Variants in MEI4 observed in about 807,000 individuals in gnomAD.
MEI4 encodes the protein meiosis-specific protein MEI4.
MEI4 carries 27 observed loss-of-function variants against 31.4 expected under a neutral mutation model. The observed-to-expected ratio is 0.86, with a 90% CI of 0.63 to 1.19. MEI4 has a LOEUF of 1.19. MEI4 is among the 50% of genes most tolerant of loss of function. MEI4 has a pLI of 0.00. For synonymous variants in MEI4, 122 were observed against 145.4 expected (o/e 0.84, Z 1.16); for missense variants, 329 against 398.9 (o/e 0.82, Z 1.49).
intron 4 of MEI4, among the ~76,000 whole-genome samples, chr6:77,863,606 T>C (rs141015427): frequency 2.0e-5 from 3 of 152,256 alleles, no homozygotes; most frequent in East Asian, 1.9e-4. Context: ...CTACGTCTGA[T>C]TGGTACCTGA....
intron 4 of MEI4, among the ~76,000 whole-genome samples, chr6:77,907,085 A>G (rs907249527): frequency 1.3e-5 from 2 of 151,960 alleles, no homozygotes; most frequent in Admixed American, 6.6e-5. Flanking sequence ...TTGAAATAGC[A>G]AGATTTTTTT....
chr6:77,852,585 G>GTTTTTTTTT (rs58175580), intron 4 of MEI4, among the ~76,000 whole-genome samples: 1 of 142,608 alleles, frequency 7.0e-6, no homozygotes, highest in African/African-American at 2.6e-5. Flanking sequence ...GTTGTTGTTT[G>GTTTTTTTTT]TTTTTTTTTT....
intron 3 of MEI4, among the ~76,000 whole-genome samples, chr6:77,827,285 C>T (rs930541224): frequency 4.0e-5 from 6 of 148,226 alleles, no homozygotes; most frequent in Middle Eastern, 3.5e-3. Context: ...GGTGTGAACC[C>T]GGAAGGCAGA....
At chr6:77,856,171 C>G (rs1770741373) in intron 4 of MEI4, among the ~76,000 whole-genome samples, 1 of 152,184 alleles carries the variant, frequency 6.6e-6, no homozygotes, top group Non-Finnish European at 1.5e-5. Flanking sequence ...TTCCTTTGCA[C>G]AGTGAACAAG....
At chr6:77,719,365 G>C (rs564505700) in intron 2 of MEI4, among the ~76,000 whole-genome samples, 1,540 of 133,746 alleles carry the variant, frequency 0.012, 194 homozygotes, top group African/African-American at 0.043. Flanking sequence ...GTGACATCCC[G>C]CTTACCATGT....
intron 2 of MEI4, among the ~76,000 whole-genome samples, chr6:77,699,374 A>C (rs1485874932): frequency 6.7e-6 from 1 of 150,288 alleles, no homozygotes; most frequent in African/African-American, 2.5e-5. Flanking sequence ...TTGTATTTTT[A>C]GTAGAGATGG....
intron 3 of MEI4, among the ~76,000 whole-genome samples, chr6:77,824,807 CT>C (rs1769904338): frequency 6.6e-6 from 1 of 152,062 alleles, no homozygotes; most frequent in African/African-American, 2.4e-5. Context: ...ACTCTTTTGC[CT>C]AAATTCTTAG....
intron 4 of MEI4, among the ~76,000 whole-genome samples, chr6:77,861,384 T>C (rs952491384): frequency 1.3e-5 from 2 of 152,194 alleles, no homozygotes; most frequent in Non-Finnish European, 2.9e-5. Flanking sequence ...AGGCTTTGTT[T>C]TTGTTTTGTT....
In MEI4 at chr6:77,695,323, C is replaced by A. The variant is rs558822882; in HGVS notation, c.232+4420C>A. ...TTGCCATTGCTTTTGGTGTTTTAGACATGAAGTCCTTGCCCATGCCTATGT... is the reference window on the plus strand; with the variant it reads ...TTGCCATTGCTTTTGGTGTTTTAGAAATGAAGTCCTTGCCCATGCCTATGT... On this transcript the variant is annotated intron_variant, in intron 2 of 4. Transcript: ENST00000684080. Among the ~76,000 whole-genome samples, 646 of 152,008 alleles carry A rather than the reference C, an allele frequency of 4.2e-3. 6 individuals carry two copies. The highest frequency in any genetic ancestry group is 0.012 in the African/African-American group (508 of 41,476).
rs9448130 is a variant in MEI4 at position 77,677,645 on chromosome 6, A to C, written c.-14-13013A>C. Among the ~76,000 whole-genome samples the C allele has an allele frequency of 8.0e-3, 1,223 of 152,232 alleles. 14 individuals are homozygous for C. Among genetic ancestry groups the C allele is most frequent in the African/African-American group, 0.027 (1,107 of 41,534 alleles). On this transcript the variant is annotated intron_variant, in intron 1 of 4. Transcript: ENST00000684080. ...AATGGCCTCTCAGTTTTGGCCTCTT[A>C]ACCTCTCCACATGTCCTCACCTCAG...
chr6:77,796,980 A>G (rs1365293245), intron 3 of MEI4, among the ~76,000 whole-genome samples: 1 of 152,224 alleles, frequency 6.6e-6, no homozygotes, highest in African/African-American at 2.4e-5. Context: ...TGATACTGGC[A>G]TAAAAGCAGA....
intron 2 of MEI4, among the ~76,000 whole-genome samples, chr6:77,708,483 G>A: frequency 6.6e-6 from 1 of 152,200 alleles, no homozygotes; most frequent in Non-Finnish European, 1.5e-5. Flanking sequence ...GCTGAAACAA[G>A]TTGGGACTTT....
At chr6:77,798,262 A>G (rs1769137331) in intron 3 of MEI4, among the ~76,000 whole-genome samples, 1 of 151,712 alleles carries the variant, frequency 6.6e-6, no homozygotes, top group African/African-American at 2.4e-5. Context: ...TAAATGAGAA[A>G]AAATGAAAAA....
intron 3 of MEI4, among the ~76,000 whole-genome samples, chr6:77,818,596 C>T (rs1047541211): frequency 1.3e-5 from 2 of 152,030 alleles, no homozygotes; most frequent in African/African-American, 2.4e-5. Flanking sequence ...TCATAGTTCA[C>T]ATTTTTTTCT....
chr6:77,730,117 A>G (rs1766935500), intron 2 of MEI4, among the ~76,000 whole-genome samples: 1 of 152,100 alleles, frequency 6.6e-6, no homozygotes, highest in Admixed American at 6.6e-5. Flanking sequence ...GATCTGTGAG[A>G]TCTCAATGGG....
intron 2 of MEI4, among the ~76,000 whole-genome samples, chr6:77,744,339 C>T (rs1057235169): frequency 2.6e-4 from 40 of 151,684 alleles, no homozygotes; most frequent in Non-Finnish European, 1.8e-4. Flanking sequence ...CCTCAGGAGC[C>T]GATGCAATCA....
intron 2 of MEI4, among the ~76,000 whole-genome samples, chr6:77,733,994 A>T (rs1767097858): frequency 1.3e-5 from 2 of 152,112 alleles, no homozygotes; most frequent in South Asian, 4.2e-4. Flanking sequence ...TCTGAGAGAT[A>T]GTTTGTTATA....
intron 4 of MEI4, among the ~76,000 whole-genome samples, chr6:77,877,339 AC>A (rs1333152564): frequency 6.6e-6 from 1 of 151,900 alleles, no homozygotes; most frequent in African/African-American, 2.4e-5. Context: ...ATCTCTTATA[AC>A]CCTTCAAAGT....
At chr6:77,768,222 C>G (rs1334679122) in intron 3 of MEI4, among the ~76,000 whole-genome samples, 1 of 152,108 alleles carries the variant, frequency 6.6e-6, no homozygotes, top group Non-Finnish European at 1.5e-5. Flanking sequence ...ATTTCCATCA[C>G]TAATTTTTAC....
Sources: gnomAD v4.1 joint callset for allele counts (sites outside exome capture counted in the v4.1 genomes callset) on GRCh38, gnomAD v4.1.1 for gene constraint, MANE v1.5 for transcripts, NCBI Gene and HGNC (gene_info 2026-07-23, HGNC 2026-07-21) for gene names.